ITPRID1: variants seen among roughly 807,000 people sequenced by gnomAD.
ITPRID1 encodes protein ITPRID1.
Under a neutral mutation model 95.4 loss-of-function variants are expected in ITPRID1, and 96 were observed. The observed-to-expected ratio is 1.01, with a 90% CI of 0.85 to 1.19. The LOEUF (loss-of-function observed/expected upper bound fraction) is 1.19, where lower values mean the gene tolerates loss of function less well. Ranked by LOEUF, ITPRID1 falls within the 50% of genes most tolerant of loss-of-function variation. The pLI is 0.00. For missense variants in ITPRID1, 1,339 were observed against 1,252.9 expected, an observed-to-expected ratio of 1.07 and a Z score of -1.04; for synonymous variants, 510 against 453.6, an observed-to-expected ratio of 1.12 and a Z score of -1.58.
chr7:31,541,825 T>G (rs1783942118), intron 1 of ITPRID1, among the ~76,000 whole-genome samples: 2 of 152,158 alleles, frequency 1.3e-5, no homozygotes, highest in Admixed American at 1.3e-4. Flanking sequence ...AGACCCTTTT[T>G]AACCCTTTAT....
At chr7:31,550,514 C>T (rs1784250294) in intron 2 of ITPRID1, among the ~76,000 whole-genome samples, 1 of 152,100 alleles carries the variant, frequency 6.6e-6, no homozygotes, top group Non-Finnish European at 1.5e-5. Flanking sequence ...TCCAGGATAC[C>T]ACCTGATCTG....
Position 31,578,091 on chromosome 7 carries a change from C to A in ITPRID1, c.827C>A (p.Ser276Tyr). ...GATTGTAACCCAGAGGTATCAGAGT[C>A]CTTCAAGGTGAAGGATGAAGTTTTT... ...RRDCNPEVSESFKVKDEVFVP... is the reference protein window; with the variant it reads ...RRDCNPEVSEYFKVKDEVFVP... The change falls in exon 9 of 15, where the codon TCC (serine) becomes TAC (tyrosine). Residue 276 changes from serine (S) to tyrosine (Y), a missense_variant. Coordinates refer to ENST00000615280, the MANE Select transcript of ITPRID1 (RefSeq NM_001257967.3). The A allele has an allele frequency of 6.2e-7, 1 of 1,613,728 alleles. No individual in the cohort carries two copies. The highest frequency in any genetic ancestry group is 8.5e-7 in the Non-Finnish European group (1 of 1,179,796).
At chr7:31,555,334 G>A (rs1408259834) in intron 5 of ITPRID1, 1 of 153,822 alleles carries the variant, frequency 6.5e-6, no homozygotes, top group African/African-American at 2.4e-5. Context: ...AAGAATAAAT[G>A]TCTGAATTCT....
chr7:31,526,766 A>G (rs1783434657), intron 1 of ITPRID1, among the ~76,000 whole-genome samples: 1 of 151,792 alleles, frequency 6.6e-6, no homozygotes, highest in Admixed American at 6.6e-5. Flanking sequence ...TTCTAAAATA[A>G]CTCACTTATC....
intron 5 of ITPRID1, among the ~76,000 whole-genome samples, chr7:31,564,985 G>T (rs1454845979): frequency 1.3e-5 from 2 of 152,148 alleles, no homozygotes; most frequent in African/African-American, 2.4e-5. Context: ...GCAGGACCTG[G>T]CCCTGACAAA....
intron 10 of ITPRID1, among the ~76,000 whole-genome samples, chr7:31,587,910 A>G (rs992121866): frequency 2.0e-5 from 3 of 152,106 alleles, no homozygotes; most frequent in Admixed American, 6.5e-5. Flanking sequence ...TATTTAATAA[A>G]TGGTGCTGGG....
In ITPRID1 at chr7:31,519,620, C is replaced by CTCTCTCTCTATA; in HGVS notation, c.-98+5501_-98+5502insCTCTCTCTATAT. On this transcript the variant is annotated intron_variant, in intron 1 of 14. Coordinates refer to ENST00000615280, the MANE Select transcript of ITPRID1 (RefSeq NM_001257967.3). The stretch of plus-strand genomic sequence containing the variant: ...TCTCTCTCTCTCTCTCTCTCTCTCT[C>CTCTCTCTCTATA]TATATATATATATATATATATATAT... Among the ~76,000 whole-genome samples the CTCTCTCTCTATA allele has an allele frequency of 6.3e-4, 16 of 25,262 alleles. 1 individual carries two copies. The highest frequency in any genetic ancestry group is 6.0e-3 in the East Asian group (2 of 334). The allele number at this position is 25,262 out of a possible 152,430, so 16.6% of individuals were successfully genotyped here. A position where few individuals can be genotyped will look rare whatever the true frequency, so the allele number is the denominator to read the frequency against.
intron 5 of ITPRID1, among the ~76,000 whole-genome samples, chr7:31,561,482 G>T (rs142764381): frequency 6.6e-6 from 1 of 152,260 alleles, no homozygotes; most frequent in African/African-American, 2.4e-5. Flanking sequence ...TTTGCTGATA[G>T]AAATGATTTG....
intron 1 of ITPRID1, among the ~76,000 whole-genome samples, chr7:31,542,131 A>G (rs758889771): frequency 2.0e-5 from 3 of 152,182 alleles, no homozygotes; most frequent in Non-Finnish European, 4.4e-5. Context: ...TCTTAAATAC[A>G]TGTTACACTA....
At chr7:31,642,286 TGCTCATC>T in intron 11 of ITPRID1, 28 bp downstream of exon 11, 2 of 1,452,046 alleles carry the variant, frequency 1.4e-6, no homozygotes, top group Non-Finnish European at 1.9e-6. Context: ...AGGGCCCTGT[TGCTCATC>T]CCTAACATCC....
At position 31,643,148 on chromosome 7, in the gene ITPRID1, A is replaced by C; in HGVS notation, c.1778A>C (p.His593Pro). The C allele has an allele frequency of 6.2e-7, 1 of 1,614,006 alleles. No homozygotes were observed. Among genetic ancestry groups the C allele is most frequent in the South Asian group, 1.1e-5 (1 of 91,082 alleles). The change falls in exon 12 of 15, where the codon CAC becomes CCC. Residue 593 changes from histidine to proline, a missense_variant. Physicochemically the swap from His to Pro is moderately conservative, Grantham distance 77. Transcript: ENST00000615280. ...GGAGCTGGCAAAGTGCAAAGCCACC[A>C]CAATGAGTCTCAAAGGTCACCTGGA... ...PEGAGKVQSHHNESQRSPGND... is the reference protein window; with the variant it reads ...PEGAGKVQSHPNESQRSPGND...
intron 14 of ITPRID1, 131 bp from the exon 15 acceptor site, chr7:31,652,387 T>G: frequency 7.4e-7 from 1 of 1,357,134 alleles, no homozygotes; most frequent in Non-Finnish European, 9.8e-7. Flanking sequence ...ACTATCAGAA[T>G]CTGCTGCTGG....
In ITPRID1 at chr7:31,652,984, A is replaced by G; in HGVS notation, c.*155A>G. 6.9e-7 allele frequency: 1 copy of G among 1,442,126 alleles called. No homozygotes were observed. The highest frequency in any genetic ancestry group is 9.1e-7 in the Non-Finnish European group (1 of 1,101,924). The allele number at this position is 1,442,126 out of a possible 1,614,324, so 89.3% of individuals were successfully genotyped here. On this transcript the variant is annotated 3_prime_UTR_variant, in exon 15 of 15. Coordinates refer to ENST00000615280, the MANE Select transcript of ITPRID1 (RefSeq NM_001257967.3). ...CTTTGGTTAAACCCAAGAGGAGTTT[A>G]GAATACTCTAATACTCATTCAGTAT...
intron 10 of ITPRID1, among the ~76,000 whole-genome samples, chr7:31,598,403 T>C (rs78279574): frequency 0.083 from 10,901 of 132,090 alleles, 444 homozygotes; most frequent in Middle Eastern, 0.11. Context: ...TTTTTCTTTT[T>C]TTTTTTTTTT....
intron 10 of ITPRID1, among the ~76,000 whole-genome samples, chr7:31,585,948 C>T (rs957185281): frequency 4.7e-5 from 7 of 148,396 alleles, no homozygotes; most frequent in African/African-American, 1.5e-4. Flanking sequence ...ACTAACTCGT[C>T]ATCTAGCATT....
chr7:31,652,827 T>G lies in ITPRID1; in HGVS notation c.3133T>G (p.Ter1045GluextTer52). 6.2e-7 allele frequency: 1 copy of G among 1,611,156 alleles called. No homozygotes were observed. Among genetic ancestry groups the G allele is most frequent in the Non-Finnish European group, 8.5e-7 (1 of 1,177,456 alleles). Residue 1045 changes from the stop codon to glutamate, a stop_lost, in exon 15 of 15, where the codon TAG (stop) becomes GAG (glutamate). Transcript: ENST00000615280. The part of the protein sequence containing the change: ...VGEKDADVFL[*>E] ...AGAAAAGGATGCAGATGTCTTCCTC[T>G]AGATCAGAGCAGGTTTGTTAACCTT...
intron 7 of ITPRID1, among the ~76,000 whole-genome samples, chr7:31,573,419 T>C (rs1785063060): frequency 6.6e-6 from 1 of 152,006 alleles, no homozygotes; most frequent in Non-Finnish European, 1.5e-5. Flanking sequence ...AAAAAGAAAG[T>C]GTGAACATGA....
chr7:31,621,626 C>A (rs866447420), intron 10 of ITPRID1, among the ~76,000 whole-genome samples: 4 of 148,592 alleles, frequency 2.7e-5, no homozygotes, highest in Non-Finnish European at 3.0e-5. Context: ...TGGAAAGGAA[C>A]AACTGGTACC....
At position 31,569,811 on chromosome 7, in the gene ITPRID1, T is replaced by C; in HGVS notation, c.308+2T>C. The C allele has an allele frequency of 1.9e-6, 3 of 1,582,306 alleles. No homozygotes were observed. Among genetic ancestry groups the C allele is most frequent in the Non-Finnish European group, 2.6e-6 (3 of 1,162,752 alleles). On this transcript the variant is annotated splice_donor_variant, in intron 6 of 14. Transcript: ENST00000615280. LOFTEE classifies it high-confidence loss of function. ...AATGACTGTGAAAGACTACATGAGGTAGGTAGCAGAATCAGTGTTACTTCA... is the reference window on the plus strand; with the variant it reads ...AATGACTGTGAAAGACTACATGAGGCAGGTAGCAGAATCAGTGTTACTTCA...
Sources: allele counts gnomAD v4.1 joint callset (sites outside exome capture counted in the v4.1 genomes callset), GRCh38; gene constraint gnomAD v4.1.1; transcripts MANE v1.5; gene names NCBI Gene and HGNC (gene_info 2026-07-23, HGNC 2026-07-21).